The following ST7 variants were observed in gnomAD, a reference collection of about 807,000 sequenced individuals.
ST7 encodes the protein suppressor of tumorigenicity 7 protein.
Under a neutral mutation model 78.7 loss-of-function variants are expected in ST7, and 28 were observed. That is an observed-to-expected ratio of 0.36 (90% CI 0.26 to 0.49). The LOEUF (loss-of-function observed/expected upper bound fraction) is 0.49. Ranked by LOEUF, ST7 falls within the 20% of genes least tolerant of loss-of-function variation. ST7 has a pLI of 0.99. For missense variants in ST7, 418 were observed against 696.0 expected, an observed-to-expected ratio of 0.60 and a Z score of 4.49; for synonymous variants, 247 against 249.6, an observed-to-expected ratio of 0.99 and a Z score of 0.10.
In ST7 at chr7:117,167,070, TG is replaced by T. The variant is rs1267413309; in HGVS notation, c.964-3791del. Among the ~76,000 whole-genome samples, 27 of 145,080 alleles carry T rather than the reference TG, an allele frequency of 1.9e-4. No individual in the cohort carries two copies. The East Asian group carries it at 4.7e-3, about 25-fold the overall frequency. On this transcript the variant is annotated intron_variant, in intron 9 of 15. Transcript: ENST00000323984. ...TAATGATTCTTTTTTTTTTTTACTT[TG>T]TTTTTTTTAATTATTATACTTTAAG... is the stretch of plus-strand genomic sequence containing the variant.
At chr7:117,008,624 G>A (rs1051891944) in intron 1 of ST7, among the ~76,000 whole-genome samples, 1 of 152,218 alleles carries the variant, frequency 6.6e-6, no homozygotes, top group African/African-American at 2.4e-5. Context: ...GATAGGGAAT[G>A]AGGTATTGTT....
At chr7:117,076,071 T>C (rs1799315677) in intron 1 of ST7, among the ~76,000 whole-genome samples, 1 of 152,206 alleles carries the variant, frequency 6.6e-6, no homozygotes. Flanking sequence ...TATAAACTCC[T>C]GGTTTAATCA....
chr7:116,967,249 GA>G, intron 1 of ST7: 1 of 470,466 alleles, frequency 2.1e-6, no homozygotes, highest in South Asian at 1.6e-5. Flanking sequence ...GCCTGTTCTG[GA>G]AGACCCCATT....
At chr7:117,080,623 A>G (rs1799699962) in intron 1 of ST7, among the ~76,000 whole-genome samples, 1 of 152,222 alleles carries the variant, frequency 6.6e-6, no homozygotes. Flanking sequence ...AACAACAAAA[A>G]TATGCTCAAT....
intron 1 of ST7, among the ~76,000 whole-genome samples, chr7:116,977,594 C>G (rs1032719046): frequency 6.6e-6 from 1 of 152,176 alleles, no homozygotes; most frequent in Non-Finnish European, 1.5e-5. Context: ...ACTGTTTTGC[C>G]AGGCTGGAGT....
chr7:117,126,824 T>G (rs1379232864), intron 3 of ST7, among the ~76,000 whole-genome samples: 4 of 151,954 alleles, frequency 2.6e-5, no homozygotes, highest in Non-Finnish European at 5.9e-5. Context: ...ACAAAGAAGC[T>G]TGTAATGATC....
intron 12 of ST7, among the ~76,000 whole-genome samples, chr7:117,208,902 GGTGTGTGTGTGTGTGT>G (rs58017025): frequency 3.6e-5 from 5 of 139,800 alleles, no homozygotes; most frequent in Admixed American, 7.0e-5. Context: ...TGTATGTGTG[GGTGTGTGTGTGTGTGT>G]GTGTGTGTGT....
chr7:117,055,330 G>A (rs564066638), intron 1 of ST7, among the ~76,000 whole-genome samples: 38 of 152,052 alleles, frequency 2.5e-4, no homozygotes, highest in Non-Finnish European at 4.1e-4. Flanking sequence ...AGCCTCCCAA[G>A]TAGCTGGGAT....
In ST7 at chr7:117,132,364, TA is replaced by T. The variant is rs964370743; in HGVS notation, c.641+414del. ...GAAAACATGATAACAACATAAGGTTTAAAAAAAAAATTTTAGAAAATACTTC... is the reference window on the plus strand; with the variant it reads ...GAAAACATGATAACAACATAAGGTTTAAAAAAAAATTTTAGAAAATACTTC... On this transcript the variant is annotated intron_variant, in intron 6 of 15. Transcript: ENST00000323984. Among the ~76,000 whole-genome samples the T allele has an allele frequency of 6.3e-4, 95 of 150,618 alleles. 1 individual carries two copies. Among genetic ancestry groups the T allele is most frequent in the Admixed American group, 1.8e-3 (27 of 15,094 alleles).
intron 9 of ST7, among the ~76,000 whole-genome samples, chr7:117,150,729 C>G (rs540423817): frequency 7.9e-5 from 12 of 152,304 alleles, no homozygotes; most frequent in African/African-American, 2.6e-4. Context: ...TTGTATTTCC[C>G]TCTTCTCTGT....
At chr7:117,160,364 G>A (rs562304540) in intron 9 of ST7, among the ~76,000 whole-genome samples, 238 of 152,114 alleles carry the variant, frequency 1.6e-3, no homozygotes, top group Middle Eastern at 3.4e-3. Context: ...GTCTGTGTGG[G>A]ATCTCTACAT....
intron 1 of ST7, among the ~76,000 whole-genome samples, chr7:116,963,832 C>T (rs949994649): frequency 6.6e-6 from 1 of 152,022 alleles, no homozygotes; most frequent in African/African-American, 2.4e-5. Flanking sequence ...AGGGTTTCAC[C>T]ATATTGGCCA....
intron 1 of ST7, among the ~76,000 whole-genome samples, chr7:116,997,035 A>G (rs1009495105): frequency 2.0e-5 from 3 of 152,068 alleles, no homozygotes; most frequent in African/African-American, 7.2e-5. Flanking sequence ...CCTCATGGTG[A>G]GCGTTACAGT....
chr7:116,990,297 A>C (rs1794368711), intron 1 of ST7, among the ~76,000 whole-genome samples: 1 of 151,876 alleles, frequency 6.6e-6, no homozygotes, highest in Non-Finnish European at 1.5e-5. Flanking sequence ...AAAATGAGTA[A>C]TTTCTCCTTC....
chr7:117,106,219 C>T (rs1182829520), intron 2 of ST7, among the ~76,000 whole-genome samples: 2 of 151,730 alleles, frequency 1.3e-5, no homozygotes, highest in East Asian at 3.9e-4. Context: ...AGGATGGTCT[C>T]GATCTCCTGA....
rs539431069 is a variant in ST7, at chr7:117,214,151, C to T, written c.1405+4214C>T. Among the ~76,000 whole-genome samples, 229 of 152,230 alleles carry T rather than the reference C, an allele frequency of 1.5e-3. 2 individuals are homozygous for T. The highest frequency in any genetic ancestry group is 5.3e-3 in the African/African-American group (221 of 41,542). On this transcript the variant is annotated intron_variant, in intron 13 of 15. Coordinates refer to ENST00000323984, the MANE Select transcript of ST7 (RefSeq NM_001369598.1). ...TATTTTAGAAAGCAGGGTCGCCTGC[C>T]GACCACAACTGTGAACTTTAATTTT... is the stretch of plus-strand genomic sequence containing the variant.
intron 1 of ST7, chr7:116,968,479 C>G (rs1762089464): frequency 2.2e-6 from 1 of 448,596 alleles, no homozygotes; most frequent in South Asian, 1.6e-5. Flanking sequence ...ATTATTTCGA[C>G]TACGGGTGTG....
intron 1 of ST7, among the ~76,000 whole-genome samples, chr7:116,964,616 C>A (rs1031449126): frequency 2.6e-5 from 4 of 152,108 alleles, no homozygotes; most frequent in Admixed American, 2.6e-4. Context: ...TCAGTTCAGG[C>A]TCAGAGTTGG....
intron 1 of ST7, among the ~76,000 whole-genome samples, chr7:117,074,877 A>G (rs1423242076): frequency 6.6e-6 from 1 of 152,126 alleles, no homozygotes; most frequent in African/African-American, 2.4e-5. Flanking sequence ...CCCTTTTTGT[A>G]TTTGTATTCT....
Sources: allele counts gnomAD v4.1 joint callset (sites outside exome capture counted in the v4.1 genomes callset), GRCh38; gene constraint gnomAD v4.1.1; transcripts MANE v1.5; gene names NCBI Gene and HGNC (gene_info 2026-07-23, HGNC 2026-07-21).